The following SUPT3H variants were observed in gnomAD, a reference collection of about 807,000 sequenced individuals.
SUPT3H encodes the protein transcription initiation protein SPT3 homolog.
SUPT3H carries 44 observed loss-of-function variants against 44.3 expected under a neutral mutation model. The observed-to-expected ratio is 0.99, with a 90% confidence interval of 0.78 to 1.28. SUPT3H has a LOEUF of 1.28. SUPT3H is among the 50% of genes most tolerant of loss of function. The probability of loss-of-function intolerance (pLI) is 0.00; values close to 1 mark genes in which losing one functional copy is unlikely to be tolerated. For missense variants in SUPT3H, 380 were observed against 387.1 expected, an observed-to-expected ratio of 0.98 and a Z score of 0.15; for synonymous variants, 124 against 125.6, an observed-to-expected ratio of 0.99 and a Z score of 0.09.
At chr6:44,837,759 T>C (rs1327242825) in intron 10 of SUPT3H, among the ~76,000 whole-genome samples, 4 of 152,254 alleles carry the variant, frequency 2.6e-5, no homozygotes, top group African/African-American at 9.6e-5. Context: ...TTGTTGAGTC[T>C]ATAAACATTT....
At chr6:44,894,587 G>A (rs1763827726) in intron 10 of SUPT3H, among the ~76,000 whole-genome samples, 1 of 152,128 alleles carries the variant, frequency 6.6e-6, no homozygotes, top group Admixed American at 6.5e-5. Flanking sequence ...GTATATCTCT[G>A]TTTTGGTACC....
intron 10 of SUPT3H, among the ~76,000 whole-genome samples, chr6:44,842,759 T>C (rs1771180704): frequency 6.6e-6 from 1 of 152,166 alleles, no homozygotes; most frequent in African/African-American, 2.4e-5. Context: ...CAGTCTCCTG[T>C]GAGACAGAAG....
chr6:44,903,525 T>G (rs1057132938), intron 10 of SUPT3H, among the ~76,000 whole-genome samples: 1 of 152,102 alleles, frequency 6.6e-6, no homozygotes, highest in Non-Finnish European at 1.5e-5. Flanking sequence ...GCTCTGAAAT[T>G]GAGGCAATAA....
At chr6:44,864,023 C>G (rs779046665) in intron 10 of SUPT3H, among the ~76,000 whole-genome samples, 2 of 151,818 alleles carry the variant, frequency 1.3e-5, no homozygotes, top group Non-Finnish European at 2.9e-5. Context: ...TGGGTGGGGA[C>G]ACAGAATGAA....
chr6:44,890,770 TA>T (rs201340918), intron 10 of SUPT3H, among the ~76,000 whole-genome samples: 2,717 of 141,688 alleles, frequency 0.019, 55 homozygotes, highest in South Asian at 0.099. Context: ...ATAATAATAA[TA>T]AAAAAAAAAG....
intron 10 of SUPT3H, among the ~76,000 whole-genome samples, chr6:44,909,795 A>T (rs938958491): frequency 6.6e-6 from 1 of 152,168 alleles, no homozygotes; most frequent in East Asian, 1.9e-4. Context: ...AGGGCATTAC[A>T]AGTCTTCAGG....
At chr6:44,869,958 A>G (rs1776099636) in intron 10 of SUPT3H, among the ~76,000 whole-genome samples, 1 of 152,238 alleles carries the variant, frequency 6.6e-6, no homozygotes. Context: ...CTAAATTTAC[A>G]AAGCAAAAGT....
intron 2 of SUPT3H, among the ~76,000 whole-genome samples, chr6:45,307,781 C>G (rs1584833737): frequency 6.6e-6 from 1 of 152,168 alleles, no homozygotes; most frequent in South Asian, 2.1e-4. Flanking sequence ...ATGACTTTGA[C>G]GAGTTGAGAG....
chr6:45,140,341 C>A (rs1804981535), intron 2 of SUPT3H, among the ~76,000 whole-genome samples: 1 of 152,100 alleles, frequency 6.6e-6, no homozygotes, highest in Non-Finnish European at 1.5e-5. Context: ...GGCCCCATCA[C>A]CTGAGAAGCC....
chr6:45,353,364 G>A (rs1463952939), intron 2 of SUPT3H, among the ~76,000 whole-genome samples: 6 of 151,990 alleles, frequency 3.9e-5, no homozygotes, highest in African/African-American at 7.2e-5. Flanking sequence ...AAGTTATGCG[G>A]ATGGACTTGA....
At chr6:45,185,048 T>C (rs1005013463) in intron 2 of SUPT3H, among the ~76,000 whole-genome samples, 11 of 152,134 alleles carry the variant, frequency 7.2e-5, no homozygotes, top group Non-Finnish European at 1.3e-4. Context: ...TAATTTTCCA[T>C]CATCTACCAG....
chr6:45,019,062 T>C (rs991221422), intron 4 of SUPT3H, among the ~76,000 whole-genome samples: 1 of 152,220 alleles, frequency 6.6e-6, no homozygotes, highest in Non-Finnish European at 1.5e-5. Context: ...AACTTCTTCC[T>C]GGTTTAGTCT....
chr6:44,969,819 C>T (rs1333679691), intron 6 of SUPT3H, among the ~76,000 whole-genome samples: 2 of 152,098 alleles, frequency 1.3e-5, no homozygotes, highest in Non-Finnish European at 2.9e-5. Flanking sequence ...TAATTTGTTT[C>T]CCCAGAGTGG....
intron 2 of SUPT3H, among the ~76,000 whole-genome samples, chr6:45,187,101 TAAAAAAAAAAA>T (rs70996308): frequency 2.5e-5 from 2 of 79,842 alleles, no homozygotes; most frequent in East Asian, 4.2e-4. Context: ...TTTTCGCCTT[TAAAAAAAAAAA>T]AAAAAAAAAA....
intron 2 of SUPT3H, among the ~76,000 whole-genome samples, chr6:45,186,122 G>GT (rs1814167800): frequency 6.6e-6 from 1 of 152,164 alleles, no homozygotes; most frequent in East Asian, 1.9e-4. Context: ...TAAAGGCAAT[G>GT]TAAGTCAGTG....
intron 2 of SUPT3H, among the ~76,000 whole-genome samples, chr6:45,158,298 A>ATATATATATATATATATATATT: frequency 2.0e-5 from 2 of 99,692 alleles, no homozygotes; most frequent in Admixed American, 1.3e-4. Flanking sequence ...ATATATATAT[A>ATATATATATATATATATATATT]TTTTTTTTTT....
intron 2 of SUPT3H, among the ~76,000 whole-genome samples, chr6:45,129,104 A>G (rs1269625946): frequency 6.6e-6 from 1 of 152,252 alleles, no homozygotes; most frequent in Admixed American, 6.5e-5. Context: ...TACATAAATA[A>G]CTTGAATGTG....
intron 9 of SUPT3H, among the ~76,000 whole-genome samples, chr6:44,942,025 T>C (rs910681802): frequency 6.6e-6 from 1 of 152,180 alleles, no homozygotes; most frequent in African/African-American, 2.4e-5. Context: ...CAGGAAAACT[T>C]TGTTGTAAAA....
At chr6:45,061,276 A>C (rs1300012572) in intron 3 of SUPT3H, among the ~76,000 whole-genome samples, 2 of 152,188 alleles carry the variant, frequency 1.3e-5, no homozygotes, top group African/African-American at 4.8e-5. Flanking sequence ...ATAAAAAGGA[A>C]TAAGATCATG....
Sources: allele counts gnomAD v4.1 joint callset (sites outside exome capture counted in the v4.1 genomes callset), GRCh38; gene constraint gnomAD v4.1.1; transcripts MANE v1.5; gene names NCBI Gene and HGNC (gene_info 2026-07-23, HGNC 2026-07-21).